FAM13A: variants seen among roughly 807,000 people sequenced by gnomAD.
FAM13A encodes the protein protein FAM13A.
In FAM13A, 76 loss-of-function variants were observed where a neutral mutation model predicts 129.6. The ratio of observed to expected loss-of-function variants is 0.59; its 90% confidence interval spans 0.49 to 0.71. The LOEUF (loss-of-function observed/expected upper bound fraction) is 0.71. FAM13A is among the 30% of genes least tolerant of loss of function. The pLI, the probability that FAM13A is intolerant of heterozygous loss-of-function variation, is 0.00. For missense variants in FAM13A, 1,108 were observed against 1,249.3 expected, an observed-to-expected ratio of 0.89 and a Z score of 1.70; for synonymous variants, 443 against 449.9, an observed-to-expected ratio of 0.98 and a Z score of 0.20.
At chr4:88,792,682 G>C (rs1034702713) in intron 8 of FAM13A, among the ~76,000 whole-genome samples, 2 of 152,014 alleles carry the variant, frequency 1.3e-5, no homozygotes, top group African/African-American at 2.4e-5. Context: ...GGAAAACCCA[G>C]AAGAGAGTAA....
chr4:88,945,990 G>GTATGTATATATATATATA (rs1553901196), intron 4 of FAM13A, among the ~76,000 whole-genome samples: 1 of 61,966 alleles, frequency 1.6e-5, no homozygotes, highest in South Asian at 6.1e-4. Flanking sequence ...GTGTGTGTGT[G>GTATGTATATATATATATA]TATATATATA....
At chr4:89,053,532 G>A (rs981377965) in intron 1 of FAM13A, among the ~76,000 whole-genome samples, 2 of 151,984 alleles carry the variant, frequency 1.3e-5, no homozygotes, top group Non-Finnish European at 2.9e-5. Context: ...GTTCCTGCTT[G>A]CGCTATGGGA....
chr4:88,818,164 T>C lies in FAM13A; in HGVS notation c.1008-13112A>G, dbSNP rs893608185. ...ACGCCCAGATAATTTTTTTTTTTGTTTTTCTTTTTGTATTTTTAGTAGAGA... is the reference window on the plus strand; with the variant it reads ...ACGCCCAGATAATTTTTTTTTTTGTCTTTCTTTTTGTATTTTTAGTAGAGA... On this transcript the variant is annotated intron_variant, in intron 7 of 23. Transcript: ENST00000264344. Among the ~76,000 whole-genome samples the C allele has an allele frequency of 2.0e-5, 3 of 151,766 alleles. No homozygotes were observed. The East Asian group carries it at 5.8e-4, about 29-fold the overall frequency.
At chr4:88,935,055 C>T (rs1034264856) in intron 5 of FAM13A, among the ~76,000 whole-genome samples, 9 of 152,180 alleles carry the variant, frequency 5.9e-5, no homozygotes. Flanking sequence ...AACTTTTCCC[C>T]TTATTGTTAC....
chr4:88,913,351 GGAGGAAGAAGAGAA>G (rs1389184296), intron 5 of FAM13A, among the ~76,000 whole-genome samples: 4 of 145,238 alleles, frequency 2.8e-5, no homozygotes, highest in African/African-American at 5.1e-5. Flanking sequence ...AGGAAGAAGA[GGAGGAAGAAGAGAA>G]GAGGAAGAAG....
intron 3 of FAM13A, among the ~76,000 whole-genome samples, chr4:89,006,522 C>T (rs1765039489): frequency 6.6e-6 from 1 of 152,212 alleles, no homozygotes; most frequent in Admixed American, 6.5e-5. Flanking sequence ...CAAGCAGGTG[C>T]TGGGGCCAGA....
chr4:88,903,518 A>C (rs1747627273), intron 6 of FAM13A, among the ~76,000 whole-genome samples: 1 of 152,200 alleles, frequency 6.6e-6, no homozygotes, highest in African/African-American at 2.4e-5. Context: ...TGGGAAAATG[A>C]TTCTCTAATA....
At chr4:88,934,634 C>T (rs1329628500) in intron 5 of FAM13A, among the ~76,000 whole-genome samples, 2 of 152,140 alleles carry the variant, frequency 1.3e-5, no homozygotes, top group African/African-American at 4.8e-5. Context: ...CTTCTCCTAA[C>T]CCAGTTATTC....
At chr4:88,738,901 T>G (rs1354969743) in intron 20 of FAM13A, 129 bp downstream of exon 20, 1 of 649,274 alleles carries the variant, frequency 1.5e-6, no homozygotes, top group African/African-American at 1.8e-5. Flanking sequence ...GGGCCATGGA[T>G]AGTAATGGCT....
chr4:88,841,533 A>T (rs1260452157), intron 7 of FAM13A, among the ~76,000 whole-genome samples: 1 of 151,798 alleles, frequency 6.6e-6, no homozygotes, highest in Non-Finnish European at 1.5e-5. Context: ...GACAACCCAT[A>T]GAATATGAGA....
rs1741484379 is a variant in FAM13A at position 88,747,015 on chromosome 4, C to T, written c.2383G>A (p.Asp795Asn). 6.3e-7 allele frequency: 1 copy of T among 1,593,262 alleles called. No individual in the cohort carries two copies. ...TTAGCAATCTGGTCTTTGGTCATATCCTGTATAAACACAGGGATAGAGAAT... is the reference window on the plus strand; with the variant it reads ...TTAGCAATCTGGTCTTTGGTCATATTCTGTATAAACACAGGGATAGAGAAT... ...AESSRPEDIK[D>N]MTKDQIANEK... The change falls in exon 19 of 24, where the codon GAT becomes AAT. Residue 795 changes from aspartate to asparagine, a missense_variant and splice_region_variant. Transcript: ENST00000264344.
At chr4:88,753,765 T>C (rs1474328356) in intron 14 of FAM13A, 1 of 213,612 alleles carries the variant, frequency 4.7e-6, no homozygotes, top group East Asian at 1.8e-4. Flanking sequence ...TAGTTTGAAA[T>C]GATCTAAAAG....
chr4:89,018,590 G>A (rs914967991), intron 3 of FAM13A, among the ~76,000 whole-genome samples: 2 of 152,238 alleles, frequency 1.3e-5, no homozygotes, highest in African/African-American at 4.8e-5. Flanking sequence ...TTATTAAGGT[G>A]AGACCAAACC....
intron 1 of FAM13A, among the ~76,000 whole-genome samples, chr4:89,032,552 C>T (rs1334411693): frequency 6.6e-6 from 1 of 152,180 alleles, no homozygotes; most frequent in African/African-American, 2.4e-5. Context: ...TCAAAAAGGG[C>T]TGTGCCTAGA....
At chr4:88,987,720 T>C (rs986809650) in intron 4 of FAM13A, among the ~76,000 whole-genome samples, 1 of 151,078 alleles carries the variant, frequency 6.6e-6, no homozygotes, top group Non-Finnish European at 1.5e-5. Context: ...CGGGCGCCTG[T>C]AGTCCCAGCT....
chr4:88,803,135 G>A (rs980853229), intron 8 of FAM13A, among the ~76,000 whole-genome samples: 2 of 152,160 alleles, frequency 1.3e-5, no homozygotes, highest in South Asian at 2.1e-4. Context: ...CTCAGCAGAC[G>A]TGTCTTATGT....
intron 6 of FAM13A, among the ~76,000 whole-genome samples, chr4:88,884,029 A>G (rs1744023062): frequency 6.6e-6 from 1 of 150,816 alleles, no homozygotes; most frequent in Non-Finnish European, 1.5e-5. Flanking sequence ...AAAAATTGCC[A>G]AAAAAAAAGT....
chr4:88,870,371 T>C (rs1490637448), intron 6 of FAM13A, among the ~76,000 whole-genome samples: 2 of 152,206 alleles, frequency 1.3e-5, no homozygotes, highest in Admixed American at 6.5e-5. Context: ...GGGATTTCCC[T>C]TTCCTATCCA....
At chr4:88,976,978 T>C (rs1008974506) in intron 4 of FAM13A, among the ~76,000 whole-genome samples, 3 of 152,176 alleles carry the variant, frequency 2.0e-5, no homozygotes, top group Non-Finnish European at 4.4e-5. Context: ...GACTATACCA[T>C]CTACATTTGT....
Sources: allele counts gnomAD v4.1 joint callset (sites outside exome capture counted in the v4.1 genomes callset), GRCh38; gene constraint gnomAD v4.1.1; transcripts MANE v1.5; gene names NCBI Gene and HGNC (gene_info 2026-07-23, HGNC 2026-07-21).